Variants in NEK1 observed in about 807,000 individuals in gnomAD.
The protein encoded by NEK1 is NIMA related kinase 1, also known as serine/threonine-protein kinase Nek1.
In NEK1, 137 loss-of-function variants were observed where a neutral mutation model predicts 182.1. The ratio of observed to expected loss-of-function variants is 0.75; its 90% confidence interval spans 0.65 to 0.87. The LOEUF (loss-of-function observed/expected upper bound fraction) is 0.87, where lower values mean the gene tolerates loss of function less well. Among genes scored for constraint, NEK1 ranks in the 40% least tolerant of loss-of-function variants. The pLI, the probability that NEK1 is intolerant of heterozygous loss-of-function variation, is 0.00. For synonymous variants in NEK1, 513 were observed against 492.2 expected (o/e 1.04, Z -0.56); for missense variants, 1,391 against 1,494.4 (o/e 0.93, Z 1.14).
chr4:169,474,215 G>T (rs1746541677), intron 26 of NEK1, among the ~76,000 whole-genome samples: 1 of 152,136 alleles, frequency 6.6e-6, no homozygotes, highest in Non-Finnish European at 1.5e-5. Context: ...GAAGGAAATG[G>T]ATACAATGAG....
chr4:169,397,863 T>C (rs1407391495), intron 35 of NEK1, among the ~76,000 whole-genome samples: 2 of 152,234 alleles, frequency 1.3e-5, no homozygotes, highest in Admixed American at 1.3e-4. Context: ...CTCCAGATAC[T>C]TGTTGAGCAA....
chr4:169,580,016 A>T (rs1303938486), intron 11 of NEK1, among the ~76,000 whole-genome samples: 2 of 152,178 alleles, frequency 1.3e-5, no homozygotes, highest in African/African-American at 4.8e-5. Context: ...TATTCAGGAA[A>T]AAAATAATTT....
intron 19 of NEK1, among the ~76,000 whole-genome samples, chr4:169,526,691 T>TCAGACTA (rs1756949249): frequency 1.3e-5 from 2 of 152,248 alleles, no homozygotes; most frequent in Non-Finnish European, 2.9e-5. Flanking sequence ...TCCAGAGGGT[T>TCAGACTA]AATCCTTCAG....
chr4:169,475,204 C>T (rs976535858), intron 26 of NEK1, among the ~76,000 whole-genome samples: 1 of 151,950 alleles, frequency 6.6e-6, no homozygotes, highest in Non-Finnish European at 1.5e-5. Flanking sequence ...AGATGGTAGC[C>T]CTGAGTATGA....
intron 27 of NEK1, among the ~76,000 whole-genome samples, chr4:169,444,555 G>T (rs1038891997): frequency 6.6e-6 from 1 of 152,018 alleles, no homozygotes; most frequent in East Asian, 1.9e-4. Context: ...AAAATTAAAT[G>T]AGCAGATCTA....
chr4:169,431,290 TA>T (rs33972843), intron 29 of NEK1, among the ~76,000 whole-genome samples: 30,034 of 152,066 alleles, frequency 0.2, 3,211 homozygotes, highest in South Asian at 0.31. Flanking sequence ...TGTGAATATC[TA>T]TGCACCAAAT....
chr4:169,429,587 G>A (rs1184513269), intron 29 of NEK1, among the ~76,000 whole-genome samples: 4 of 119,568 alleles, frequency 3.3e-5, no homozygotes, highest in African/African-American at 1.4e-4. Context: ...CTTTTCCACT[G>A]ATGTGGAAAA....
intron 23 of NEK1, among the ~76,000 whole-genome samples, chr4:169,495,003 T>C (rs1158868952): frequency 6.6e-6 from 1 of 152,208 alleles, no homozygotes; most frequent in Non-Finnish European, 1.5e-5. Flanking sequence ...CTTTGTCAGA[T>C]GAGTAGGTTG....
intron 18 of NEK1, among the ~76,000 whole-genome samples, chr4:169,549,989 A>C (rs991751478): frequency 6.6e-6 from 1 of 152,104 alleles, no homozygotes; most frequent in Non-Finnish European, 1.5e-5. Flanking sequence ...CCCAAAGTGC[A>C]ATTCTCAGAT....
chr4:169,540,094 G>A (rs541906505), intron 18 of NEK1, among the ~76,000 whole-genome samples: 8 of 152,108 alleles, frequency 5.3e-5, no homozygotes, highest in East Asian at 1.9e-4. Flanking sequence ...TGCTTCCTAC[G>A]CTGGCTTAAA....
chr4:169,591,486 T>C (rs1768505180), intron 5 of NEK1, among the ~76,000 whole-genome samples: 1 of 151,998 alleles, frequency 6.6e-6, no homozygotes, highest in South Asian at 2.1e-4. Context: ...TAATGCTTTT[T>C]AAAAATATAA....
intron 8 of NEK1, 130 bp downstream of exon 8, chr4:169,588,519 C>G (rs1767894160): frequency 6.1e-6 from 3 of 491,190 alleles, no homozygotes; most frequent in Admixed American, 3.7e-5. Flanking sequence ...ATATTAGCAA[C>G]ATTTTATATA....
intron 12 of NEK1, among the ~76,000 whole-genome samples, chr4:169,567,706 T>G (rs1173153142): frequency 6.6e-6 from 1 of 152,186 alleles, no homozygotes; most frequent in Non-Finnish European, 1.5e-5. Flanking sequence ...TGAAATGTTT[T>G]TAAAATAAGC....
intron 19 of NEK1, among the ~76,000 whole-genome samples, chr4:169,524,986 A>G (rs565435109): frequency 6.6e-6 from 1 of 152,364 alleles, no homozygotes; most frequent in African/African-American, 2.4e-5. Flanking sequence ...CCTTTACAGA[A>G]AAATGTTTGC....
intron 26 of NEK1, among the ~76,000 whole-genome samples, chr4:169,469,807 T>C (rs1745590185): frequency 6.6e-6 from 1 of 152,202 alleles, no homozygotes; most frequent in Non-Finnish European, 1.5e-5. Context: ...TGCTCTTGTA[T>C]TGGGTGCATA....
rs769969049 is a variant in NEK1, at chr4:169,561,558, T to C, written c.1192-4A>G. On this transcript the variant is annotated splice_region_variant and splice_polypyrimidine_tract_variant and intron_variant, in intron 15 of 35. Coordinates refer to ENST00000507142, the MANE Select transcript of NEK1 (RefSeq NM_001199397.3). Reference sequence around the variant, plus strand: ...TGGCCCTATTTATTCTTTCCAACTTTGGGGAAAAGAAATAAACAAAACACC... The same window carrying C: ...TGGCCCTATTTATTCTTTCCAACTTCGGGGAAAAGAAATAAACAAAACACC... The C allele has an allele frequency of 6.2e-7, 1 of 1,612,642 alleles. No homozygotes were observed. Among genetic ancestry groups the C allele is most frequent in the East Asian group, 2.2e-5 (1 of 44,816 alleles).
chr4:169,507,229 T>C (rs1305394402), intron 22 of NEK1, 97 bp from the exon 23 acceptor site: 2 of 769,594 alleles, frequency 2.6e-6, no homozygotes, highest in South Asian at 2.4e-5. Context: ...TATTTACTTA[T>C]TAGCCAAAAA....
intron 23 of NEK1, among the ~76,000 whole-genome samples, chr4:169,483,094 C>T (rs1748389140): frequency 6.6e-6 from 1 of 152,178 alleles, no homozygotes; most frequent in South Asian, 2.1e-4. Context: ...AACTCTTTTA[C>T]TTGAATACTT....
At position 169,507,079 on chromosome 4, in the gene NEK1, T is replaced by C. The variant is rs996260837; in HGVS notation, c.1965A>G (p.Arg655=). ...AVLKEQLERK[R]KEAYEREKKV... is the part of the protein sequence containing the mutation. ...TTTTTTCTCTCTCATAAGCCTCCTTTCTCTTTCGTTCTAGTTGTTCTTTTA... is the reference window on the plus strand; with the variant it reads ...TTTTTTCTCTCTCATAAGCCTCCTTCCTCTTTCGTTCTAGTTGTTCTTTTA... The change falls in exon 23 of 36, where the codon AGA becomes AGG. Residue 655 remains arginine (R), a synonymous_variant. Coordinates refer to ENST00000507142, the MANE Select transcript of NEK1 (RefSeq NM_001199397.3). 2 of 1,610,558 alleles carry C rather than the reference T, an allele frequency of 1.2e-6. No individual in the cohort carries two copies. The highest frequency in any genetic ancestry group is 2.7e-5 in the African/African-American group (2 of 74,792).
Sources: allele counts gnomAD v4.1 joint callset (sites outside exome capture counted in the v4.1 genomes callset), GRCh38; gene constraint gnomAD v4.1.1; transcripts MANE v1.5; gene names NCBI Gene and HGNC (gene_info 2026-07-23, HGNC 2026-07-21).